The following XRCC5 variants were observed in gnomAD, a reference collection of about 807,000 sequenced individuals.
The protein encoded by XRCC5 is DNA repair protein Ku80.
XRCC5 carries 12 observed loss-of-function variants against 95.7 expected under a neutral mutation model. The observed-to-expected ratio is 0.13, with a 90% confidence interval of 0.08 to 0.20. XRCC5 has a LOEUF of 0.20. Among genes scored for constraint, XRCC5 ranks in the 10% least tolerant of loss-of-function variants. XRCC5 has a pLI of 1.00. For missense variants in XRCC5, 595 were observed against 873.9 expected (o/e 0.68, Z 4.02); for synonymous variants, 281 against 290.3 (o/e 0.97, Z 0.33).
At chr2:216,192,983 C>T (rs1422943817) in intron 18 of XRCC5, among the ~76,000 whole-genome samples, 1 of 152,132 alleles carries the variant, frequency 6.6e-6, no homozygotes, top group Non-Finnish European at 1.5e-5. Context: ...AGACTCTTTA[C>T]GCAGCATGAC....
At chr2:216,135,459 T>C (rs1697059708) in intron 10 of XRCC5, among the ~76,000 whole-genome samples, 1 of 151,766 alleles carries the variant, frequency 6.6e-6, no homozygotes, top group Non-Finnish European at 1.5e-5. Flanking sequence ...GGAACAGAGG[T>C]GGCTGTCAGG....
At chr2:216,121,956 A>G in intron 5 of XRCC5, 106 bp from the exon 6 acceptor site, 1 of 1,032,896 alleles carries the variant, frequency 9.7e-7, no homozygotes, top group South Asian at 2.1e-5. Flanking sequence ...TTGACAGATG[A>G]GAAATTTGAA....
chr2:216,177,346 C>T lies in XRCC5; in HGVS notation c.1835-12879C>T, dbSNP rs543652970. ...ATGATTTTGGTCTCACCTAGCTAAACCAGCTTGGGTCATGAGATCCTAGTG... is the reference window on the plus strand; with the variant it reads ...ATGATTTTGGTCTCACCTAGCTAAATCAGCTTGGGTCATGAGATCCTAGTG... On this transcript the variant is annotated intron_variant, in intron 16 of 20. Transcript: ENST00000392132. Among the ~76,000 whole-genome samples the T allele has an allele frequency of 2.6e-5, 4 of 152,234 alleles. 1 individual carries two copies. Among genetic ancestry groups the T allele is most frequent in the African/African-American group, 7.2e-5 (3 of 41,548 alleles).
chr2:216,122,037 A>C, intron 5 of XRCC5, 25 bp from the exon 6 acceptor site: 1 of 1,588,664 alleles, frequency 6.3e-7, no homozygotes, highest in South Asian at 1.1e-5. Context: ...TTAGAACACT[A>C]ACTACTGTTG....
intron 10 of XRCC5, among the ~76,000 whole-genome samples, chr2:216,136,868 G>C (rs541978022): frequency 2.6e-5 from 4 of 152,268 alleles, no homozygotes; most frequent in East Asian, 1.9e-4. Flanking sequence ...AGAGAAGGAA[G>C]GTTGAAGCAG....
chr2:216,177,317 C>CT (rs915688160), intron 16 of XRCC5, among the ~76,000 whole-genome samples: 1 of 152,090 alleles, frequency 6.6e-6, no homozygotes, highest in African/African-American at 2.4e-5. Context: ...CTAGTGAGAC[C>CT]TTTATGATTT....
intron 12 of XRCC5, among the ~76,000 whole-genome samples, chr2:216,138,578 T>G (rs1697125360): frequency 6.6e-6 from 1 of 152,214 alleles, no homozygotes; most frequent in Non-Finnish European, 1.5e-5. Context: ...AGATTAACTT[T>G]TCTCTTTGCC....
intron 19 of XRCC5, among the ~76,000 whole-genome samples, chr2:216,200,592 A>C (rs961929191): frequency 6.6e-6 from 1 of 152,200 alleles, no homozygotes; most frequent in Non-Finnish European, 1.5e-5. Context: ...ATGAATTCTT[A>C]CACATTCATG....
intron 18 of XRCC5, among the ~76,000 whole-genome samples, chr2:216,193,245 C>T (rs773963610): frequency 6.6e-6 from 1 of 152,198 alleles, no homozygotes; most frequent in South Asian, 2.1e-4. Flanking sequence ...GCAAGTTAAA[C>T]CCAGAAAGAA....
intron 14 of XRCC5, 87 bp downstream of exon 14, chr2:216,148,363 G>A (rs1478727332): frequency 7.9e-7 from 1 of 1,263,124 alleles, no homozygotes; most frequent in Non-Finnish European, 1.1e-6. Flanking sequence ...TCACATAGGG[G>A]TCTATGGAAT....
At chr2:216,122,725 T>A (rs1008381020) in intron 6 of XRCC5, among the ~76,000 whole-genome samples, 1 of 151,786 alleles carries the variant, frequency 6.6e-6, no homozygotes, top group African/African-American at 2.4e-5. Context: ...TTTTTTAAAC[T>A]TTTGATCACA....
At chr2:216,120,035 G>A (rs1465953379) in intron 5 of XRCC5, among the ~76,000 whole-genome samples, 2 of 152,198 alleles carry the variant, frequency 1.3e-5, no homozygotes, top group Admixed American at 1.3e-4. Context: ...ATGCCTGCCT[G>A]GGGGTATTAA....
chr2:216,162,080 TGTTTA>T, intron 16 of XRCC5, 32 bp downstream of exon 16: 1 of 1,590,916 alleles, frequency 6.3e-7, no homozygotes, highest in Non-Finnish European at 8.6e-7. Flanking sequence ...TAGGAGAAGC[TGTTTA>T]GTTAAGCTAA....
intron 16 of XRCC5, among the ~76,000 whole-genome samples, 173 bp from the exon 17 acceptor site, chr2:216,190,052 G>C (rs1276351175): frequency 1.3e-5 from 2 of 152,156 alleles, no homozygotes; most frequent in African/African-American, 4.8e-5. Context: ...CAAATACAGA[G>C]TTTTGAAATC....
chr2:216,194,818 G>C, intron 18 of XRCC5, 101 bp from the exon 19 acceptor site: 1 of 1,124,896 alleles, frequency 8.9e-7, no homozygotes, highest in Non-Finnish European at 1.3e-6. Flanking sequence ...TTAAAAAAAA[G>C]AAATCTTCAG....
At position 216,185,944 on chromosome 2, in the gene XRCC5, T is replaced by G. The variant is rs1264476338; in HGVS notation, c.1835-4281T>G. Among the ~76,000 whole-genome samples, 3 of 152,204 alleles carry G rather than the reference T, an allele frequency of 2.0e-5. No individual in the cohort carries two copies. In the East Asian group the frequency reaches 5.8e-4, roughly 29 times the overall value. On this transcript the variant is annotated intron_variant, in intron 16 of 20. Transcript: ENST00000392132. The stretch of plus-strand genomic sequence containing the variant: ...CTGGCCATAAATTTGTTCTTAACAT[T>G]TAAAATTTATTTAACTGCTGACATT...
intron 6 of XRCC5, among the ~76,000 whole-genome samples, chr2:216,124,177 A>G (rs967015238): frequency 2.0e-5 from 3 of 152,236 alleles, no homozygotes; most frequent in African/African-American, 7.2e-5. Flanking sequence ...GATTATCTCC[A>G]TATAGATCTT....
intron 14 of XRCC5, among the ~76,000 whole-genome samples, chr2:216,150,215 G>A (rs1688717051): frequency 6.6e-6 from 1 of 152,174 alleles, no homozygotes. Context: ...AAGATCAGGA[G>A]TGGACAAATG....
At chr2:216,165,442 A>G (rs749056976) in intron 16 of XRCC5, among the ~76,000 whole-genome samples, 1 of 152,160 alleles carries the variant, frequency 6.6e-6, no homozygotes, top group South Asian at 2.1e-4. Flanking sequence ...CTTATTAGCA[A>G]CTAGTTCTCG....
Sources: allele counts gnomAD v4.1 joint callset (sites outside exome capture counted in the v4.1 genomes callset), GRCh38; gene constraint gnomAD v4.1.1; transcripts MANE v1.5; gene names NCBI Gene and HGNC (gene_info 2026-07-23, HGNC 2026-07-21).